The following RYR3 variants were observed in gnomAD, a reference collection of about 807,000 sequenced individuals.
RYR3 encodes the protein brain ryanodine receptor-calcium release channel.
A neutral mutation model predicts 584.3 loss-of-function variants in RYR3; 207 were observed. The ratio of observed to expected loss-of-function variants is 0.35; its 90% CI spans 0.32 to 0.40. The LOEUF (loss-of-function observed/expected upper bound fraction) is 0.40. Ranked by LOEUF, RYR3 falls within the 10% of genes least tolerant of loss-of-function variation. The pLI is 1.00. For synonymous variants in RYR3, 2,416 were observed against 2,248.5 expected (o/e 1.07, Z -2.11); for missense variants, 5,616 against 6,089.2 (o/e 0.92, Z 2.59).
intron 38 of RYR3, among the ~76,000 whole-genome samples, chr15:33,693,892 A>G (rs995440600): frequency 1.3e-5 from 2 of 152,224 alleles, no homozygotes; most frequent in Admixed American, 6.5e-5. Flanking sequence ...ATGTTAGGGC[A>G]CTAGTACACA....
At chr15:33,453,336 A>G (rs572049309) in intron 1 of RYR3, among the ~76,000 whole-genome samples, 38 of 152,232 alleles carry the variant, frequency 2.5e-4, no homozygotes, top group African/African-American at 9.1e-4. Context: ...TTTTACCAGC[A>G]TTTTTCAGCT....
intron 43 of RYR3, among the ~76,000 whole-genome samples, chr15:33,712,366 T>C (rs1186873947): frequency 2.0e-5 from 3 of 152,118 alleles, no homozygotes; most frequent in Admixed American, 6.6e-5. Flanking sequence ...AGCCTAGGTA[T>C]GTTGAGAGAA....
chr15:33,771,315 C>T (rs1321779235), intron 62 of RYR3, among the ~76,000 whole-genome samples: 3 of 152,194 alleles, frequency 2.0e-5, no homozygotes, highest in East Asian at 1.9e-4. Context: ...GCGGGCGGAT[C>T]ACCAGGTCAA....
rs533331298 is a variant in RYR3, at chr15:33,330,347, T to C, written c.51+19251T>C. Reference sequence around the variant, plus strand: ...AGGAGTTTCTTTGTTTTCTCTGTCTTTGCATCCCCCTGTCTGAAGTAGTCT... The same window carrying C: ...AGGAGTTTCTTTGTTTTCTCTGTCTCTGCATCCCCCTGTCTGAAGTAGTCT... On this transcript the variant is annotated intron_variant, in intron 1 of 103. Transcript: ENST00000634891. 5.9e-5 allele frequency among the ~76,000 whole-genome samples: 9 copies of C among 152,268 alleles called. No individual in the cohort carries two copies. The South Asian group carries it at 1.9e-3, about 32-fold the overall frequency.
rs2076652302 is a variant in RYR3 at position 33,813,450 on chromosome 15, A to G, written c.10390-17A>G. ...AGATCAGCCTAATGTGCACCAACCG[A>G]TGTGATCTCTTCTCAGGTGGAACAG... is the stretch of plus-strand genomic sequence containing the variant. On this transcript the variant is annotated splice_polypyrimidine_tract_variant and intron_variant, in intron 73 of 103. Coordinates refer to ENST00000634891, the MANE Select transcript of RYR3 (RefSeq NM_001036.6). 1.2e-6 allele frequency: 2 copies of G among 1,603,802 alleles called. No individual in the cohort carries two copies. Among genetic ancestry groups the G allele is most frequent in the South Asian group, 2.2e-5 (2 of 90,894 alleles).
chr15:33,860,517 AAGT>A, intron 100 of RYR3, 75 bp from the exon 101 acceptor site: 1 of 830,108 alleles, frequency 1.2e-6, no homozygotes, highest in Non-Finnish European at 1.8e-6. Context: ...TAACAGAACA[AAGT>A]AGCTTCTTCC....
intron 45 of RYR3, among the ~76,000 whole-genome samples, chr15:33,725,300 G>A (rs977351850): frequency 6.6e-6 from 1 of 151,958 alleles, no homozygotes; most frequent in African/African-American, 2.4e-5. Flanking sequence ...CTCTACCCTT[G>A]GAGATGGAGG....
chr15:33,575,375 A>G (rs1035748770), intron 12 of RYR3, among the ~76,000 whole-genome samples: 2 of 152,232 alleles, frequency 1.3e-5, no homozygotes, highest in Admixed American at 6.5e-5. Flanking sequence ...CATAATTGCA[A>G]GTAAAACACT....
intron 1 of RYR3, among the ~76,000 whole-genome samples, chr15:33,339,799 G>C (rs557323881): frequency 6.6e-6 from 1 of 151,312 alleles, no homozygotes; most frequent in African/African-American, 2.4e-5. Context: ...TGAGGCAGGA[G>C]AATGGCGTGA....
At chr15:33,843,678 C>T in intron 92 of RYR3, 104 bp downstream of exon 92, 2 of 819,058 alleles carry the variant, frequency 2.4e-6, no homozygotes, top group Non-Finnish European at 3.9e-6. Flanking sequence ...TTGTAGCAAA[C>T]ATTCTAATAG....
intron 43 of RYR3, among the ~76,000 whole-genome samples, chr15:33,715,953 A>G (rs1193966494): frequency 6.6e-6 from 1 of 152,128 alleles, no homozygotes; most frequent in Non-Finnish European, 1.5e-5. Flanking sequence ...CTCATCCCGA[A>G]TGTTGGAGGT....
At chr15:33,580,597 G>C (rs576942759) in intron 13 of RYR3, among the ~76,000 whole-genome samples, 1 of 152,280 alleles carries the variant, frequency 6.6e-6, no homozygotes, top group East Asian at 1.9e-4. Context: ...ACTGGGAGTG[G>C]GGCCTGACCA....
At chr15:33,757,706 G>GTT in intron 60 of RYR3, 110 bp downstream of exon 60, 2 of 1,234,232 alleles carry the variant, frequency 1.6e-6, no homozygotes, top group Non-Finnish European at 2.3e-6. Context: ...ACTGGATGAT[G>GTT]TTTTGGTTTG....
intron 1 of RYR3, among the ~76,000 whole-genome samples, chr15:33,330,505 C>G (rs1970254011): frequency 1.3e-5 from 2 of 152,136 alleles, no homozygotes; most frequent in Admixed American, 6.5e-5. Context: ...CTCCTGTGCT[C>G]TAACCCTCCC....
At chr15:33,532,009 T>C (rs2054920672) in intron 4 of RYR3, among the ~76,000 whole-genome samples, 1 of 151,930 alleles carries the variant, frequency 6.6e-6, no homozygotes. Context: ...TTACCCCTCC[T>C]AAAAAAAAGT....
intron 1 of RYR3, among the ~76,000 whole-genome samples, chr15:33,326,480 T>G (rs1335664789): frequency 1.3e-5 from 2 of 152,188 alleles, no homozygotes; most frequent in Non-Finnish European, 2.9e-5. Flanking sequence ...TAAATAAAGG[T>G]AAAAGTTATA....
At chr15:33,606,635 C>T (rs1306720607) in intron 18 of RYR3, among the ~76,000 whole-genome samples, 1 of 152,192 alleles carries the variant, frequency 6.6e-6, no homozygotes, top group Non-Finnish European at 1.5e-5. Flanking sequence ...AGGGTCAACT[C>T]AGACACTGTG....
chr15:33,828,374 A>C (rs533467074), intron 85 of RYR3, among the ~76,000 whole-genome samples: 2 of 152,212 alleles, frequency 1.3e-5, no homozygotes, highest in Non-Finnish European at 2.9e-5. Flanking sequence ...ACTTTAAATC[A>C]AAAGCTGGAA....
rs770219178 is a variant in RYR3, at chr15:33,785,836, G to T, written c.9443G>T (p.Arg3148Leu). Residue 3148 changes from arginine (R) to leucine (L), a missense_variant, in exon 66 of 104, where the codon CGG becomes CTG. Physicochemically the swap from Arg to Leu is moderately radical, Grantham distance 102. Coordinates refer to ENST00000634891, the MANE Select transcript of RYR3 (RefSeq NM_001036.6). ...LCNYLSYWWERGPENLPPSTG... is the reference protein window; with the variant it reads ...LCNYLSYWWELGPENLPPSTG... ...AACTACTTGTCCTACTGGTGGGAGCGGGGTCCTGAGAACCTGCCCCCCAGC... is the reference window on the plus strand; with the variant it reads ...AACTACTTGTCCTACTGGTGGGAGCTGGGTCCTGAGAACCTGCCCCCCAGC... The T allele has an allele frequency of 8.7e-6, 14 of 1,613,662 alleles. No homozygotes were observed. Among genetic ancestry groups the T allele is most frequent in the Admixed American group, 1.7e-5 (1 of 59,982 alleles).
Sources: allele counts gnomAD v4.1 joint callset (sites outside exome capture counted in the v4.1 genomes callset), GRCh38; gene constraint gnomAD v4.1.1; transcripts MANE v1.5; gene names NCBI Gene and HGNC (gene_info 2026-07-23, HGNC 2026-07-21).